GPAT2: variants seen among roughly 807,000 people sequenced by gnomAD.
GPAT2 encodes 1-acylglycerol-3-phosphate O-acyltransferase GPAT2.
A neutral mutation model predicts 71.0 loss-of-function variants in GPAT2; 51 were observed. That is an observed-to-expected ratio of 0.72 (90% CI 0.57 to 0.91). The LOEUF is 0.91. GPAT2 is among the 40% of genes least tolerant of loss of function. The probability of loss-of-function intolerance (pLI) is 0.00; values close to 1 mark genes in which losing one functional copy is unlikely to be tolerated. For missense variants in GPAT2, 511 were observed against 666.0 expected (o/e 0.77, Z 2.56); for synonymous variants, 222 against 290.3 (o/e 0.76, Z 2.39).
Position 96,023,258 on chromosome 2 carries a change from C to A in GPAT2, c.2047-32G>T, listed in dbSNP as rs748761127. 2.9e-5 allele frequency: 47 copies of A among 1,613,420 alleles called. 2 individuals are homozygous for A. The South Asian group carries it at 5.1e-4, about 17-fold the overall frequency. On this transcript the variant is annotated intron_variant, in intron 18 of 21. Coordinates refer to ENST00000434632, the MANE Select transcript of GPAT2 (RefSeq NM_001321527.2). ...GGGACAGGCCGGGGTGAGTGCAGCTCCCCACCGCCTCCCTACCACCTCCCT... is the reference window on the plus strand; with the variant it reads ...GGGACAGGCCGGGGTGAGTGCAGCTACCCACCGCCTCCCTACCACCTCCCT...
intron 1 of GPAT2, among the ~76,000 whole-genome samples, chr2:96,034,087 CATATATAT>C (rs1219373885): frequency 6.8e-6 from 1 of 147,054 alleles, no homozygotes; most frequent in South Asian, 2.1e-4. Flanking sequence ...TACATATATA[CATATATAT>C]ACACACACAC....
At position 96,022,691 on chromosome 2, in the gene GPAT2, C is replaced by T. The variant is rs1233154578; in HGVS notation, c.2266G>A (p.Val756Ile). Reference sequence around the variant, plus strand: ...ACCCCTAGGTCTCTGAAGGTCCAGACAGCACTGATGGCGAGCTTTGGGTCC... The same window carrying T: ...ACCCCTAGGTCTCTGAAGGTCCAGATAGCACTGATGGCGAGCTTTGGGTCC... ...CADPKLAISAVWTFRDLGVLQ... is the reference protein window; with the variant it reads ...CADPKLAISAIWTFRDLGVLQ... Residue 756 changes from valine (V) to isoleucine (I), a missense_variant, in exon 21 of 22, where the codon GTC becomes ATC. This residue lies in a region of GPAT2 where 108 missense variants were observed against 117.6 expected (regional missense o/e 0.92). Coordinates refer to ENST00000434632, the MANE Select transcript of GPAT2 (RefSeq NM_001321527.2). 3.1e-6 allele frequency: 5 copies of T among 1,613,862 alleles called. No individual in the cohort carries two copies. The highest frequency in any genetic ancestry group is 3.3e-5 in the Admixed American group (2 of 59,994).
At position 96,025,180 on chromosome 2, in the gene GPAT2, T is replaced by C. The variant is rs146607464; in HGVS notation, c.1357+305A>G. ...ATCATTCCATTCAGTTAACACCATC[T>C]CCACCCAAAGCTAAGGAGACTCCGC... On this transcript the variant is annotated intron_variant, in intron 13 of 21. Coordinates refer to ENST00000434632, the MANE Select transcript of GPAT2 (RefSeq NM_001321527.2). The C allele has an allele frequency of 3.9e-4, 219 of 560,060 alleles. 2 individuals are homozygous for C. The highest frequency in any genetic ancestry group is 1.5e-3 in the South Asian group (68 of 43,908). The allele number at this position is 560,060 out of a possible 1,614,324, so 34.7% of individuals were successfully genotyped here.
In GPAT2 at chr2:96,022,983, G is replaced by T; in HGVS notation, c.2208C>A (p.Ala736=). Reference sequence around the variant, plus strand: ...CGAAGATCCCTTCTTCCTGGGCGGTGGCCTGCAGGAACTGGAACAGCTGCT... The same window carrying T: ...CGAAGATCCCTTCTTCCTGGGCGGTTGCCTGCAGGAACTGGAACAGCTGCT... ...YTEQLFQFLQ[A]TAQEEGIFEC... Residue 736 remains alanine, a synonymous_variant, in exon 20 of 22, where the codon GCC becomes GCA. Transcript: ENST00000434632. The T allele has an allele frequency of 6.2e-7, 1 of 1,613,944 alleles. No individual in the cohort carries two copies. The highest frequency in any genetic ancestry group is 8.5e-7 in the Non-Finnish European group (1 of 1,179,856).
chr2:96,025,407 AC>A, intron 13 of GPAT2, 77 bp downstream of exon 13: 1 of 1,508,854 alleles, frequency 6.6e-7, no homozygotes, highest in Non-Finnish European at 8.9e-7. Context: ...GGAATGGAGA[AC>A]CCTGGTGACT....
Position 96,023,373 on chromosome 2 carries a change from G to A in GPAT2, c.1982C>T (p.Pro661Leu), listed in dbSNP as rs1182947434. 4.3e-6 allele frequency: 7 copies of A among 1,614,076 alleles called. No individual in the cohort carries two copies. Among genetic ancestry groups the A allele is most frequent in the East Asian group, 2.2e-5 (1 of 44,896 alleles). ...GTCACTATCAGTAAAGTCCCCACTC[G>A]GTTTCCACAGCAGCTTTCTGCTCAA... ...QRLSRKLLWK[P>L]SGDFTDSDSD... The change falls in exon 18 of 22, where the codon CCG becomes CTG. Residue 661 changes from proline (P) to leucine (L), a missense_variant. By Grantham distance (98) the Pro-to-Leu change is moderately conservative. This residue lies in a region of GPAT2 where 295 missense variants were observed against 305.5 expected (regional missense o/e 0.97). Transcript: ENST00000434632.
In GPAT2 at chr2:96,026,219, G is replaced by A. The variant is rs1680392832; in HGVS notation, c.1119C>T (p.Cys373=). 6.2e-7 allele frequency: 1 copy of A among 1,611,828 alleles called. No homozygotes were observed. Among genetic ancestry groups the A allele is most frequent in the East Asian group, 2.2e-5 (1 of 44,876 alleles). The change falls in exon 11 of 22, where the codon TGC becomes TGT. Residue 373 remains cysteine, a synonymous_variant. Transcript: ENST00000434632. ...AGGGCTGAGCTAGGTGCACCCGGGAGCAGATCCGGTGGCTGCAGCCCCAGC... is the reference window on the plus strand; with the variant it reads ...AGGGCTGAGCTAGGTGCACCCGGGAACAGATCCGGTGGCTGCAGCCCCAGC... ...WSRWGCSHRI[C]SRVHLAQPFS... is the part of the protein sequence containing the mutation.
chr2:96,024,107 G>T, intron 16 of GPAT2, 82 bp downstream of exon 16: 2 of 1,571,662 alleles, frequency 1.3e-6, no homozygotes, highest in Non-Finnish European at 1.7e-6. Context: ...GGTTTCAGAG[G>T]TAGAGCATGG....
intron 13 of GPAT2, chr2:96,025,209 G>C: frequency 1.8e-6 from 1 of 561,616 alleles, no homozygotes; most frequent in Non-Finnish European, 3.2e-6. Flanking sequence ...ACTCCGCTCA[G>C]AAGGCAGGGC....
chr2:96,024,977 T>G, intron 13 of GPAT2, 134 bp from the exon 14 acceptor site: 1 of 1,036,004 alleles, frequency 9.7e-7, no homozygotes. Context: ...CCCGGAGCAG[T>G]GGTGTTTATC....
chr2:96,025,181 C>G, intron 13 of GPAT2: 1 of 562,776 alleles, frequency 1.8e-6, no homozygotes, highest in South Asian at 2.3e-5. Context: ...AACACCATCT[C>G]CACCCAAAGC....
chr2:96,025,150 C>A, intron 13 of GPAT2: 6 of 576,844 alleles, frequency 1.0e-5, no homozygotes, highest in South Asian at 2.1e-5. Context: ...AAGCCCCTTA[C>A]ACGTATCATT....
At position 96,024,569 on chromosome 2, in the gene GPAT2, C is replaced by G; in HGVS notation, c.1545G>C (p.Leu515=). The change falls in exon 15 of 22, where the codon CTG becomes CTC. Residue 515 remains leucine, a synonymous_variant. Transcript: ENST00000434632. ...GQLRSLLQHS[L]SLLRAHVALL... ...GGGCCACGTGCGCCCGCAGCAGGCT[C>G]AGTGAGTGCTGCAGCAGGCTCCGCA... is the stretch of plus-strand genomic sequence containing the variant. 7 of 1,613,926 alleles carry G rather than the reference C, an allele frequency of 4.3e-6. No homozygotes were observed. The highest frequency in any genetic ancestry group is 5.9e-6 in the Non-Finnish European group (7 of 1,179,942).
chr2:96,024,078 C>T, intron 16 of GPAT2, 78 bp from the exon 17 acceptor site: 1 of 1,596,764 alleles, frequency 6.3e-7, no homozygotes, highest in Non-Finnish European at 8.5e-7. Context: ...CCGGGCAAGG[C>T]CACACCTACT....
At chr2:96,025,354 G>T in intron 13 of GPAT2, 131 bp downstream of exon 13, 1 of 1,234,968 alleles carries the variant, frequency 8.1e-7, no homozygotes, top group Non-Finnish European at 1.1e-6. Flanking sequence ...TTCTTCTTCA[G>T]ATGTCCCCAA....
chr2:96,024,619 A>G lies in GPAT2; in HGVS notation c.1495T>C (p.Phe499Leu), dbSNP rs776125352. 2 of 1,613,880 alleles carry G rather than the reference A, an allele frequency of 1.2e-6. No homozygotes were observed. Among genetic ancestry groups the G allele is most frequent in the East Asian group, 4.5e-5 (2 of 44,874 alleles). Residue 499 changes from phenylalanine (F) to leucine (L), a missense_variant, in exon 15 of 22, where the codon TTT (phenylalanine) becomes CTT (leucine). Coordinates refer to ENST00000434632, the MANE Select transcript of GPAT2 (RefSeq NM_001321527.2). ...AGCTGCCCAGAGAAGCCTACATCAA[A>G]GCCACGCAACAGTATCTCCTCCGTC... ...WLTEEILLRG[F>L]DVGFSGQLRS... is the part of the protein sequence containing the mutation.
rs573858338 is a variant in GPAT2 at position 96,024,025 on chromosome 2, G to A, written c.1837-25C>T. The A allele has an allele frequency of 5.9e-4, 925 of 1,574,238 alleles. 15 individuals carry two copies. In the South Asian group the frequency reaches 0.01, roughly 18 times the overall value. On this transcript the variant is annotated intron_variant, in intron 16 of 21. Coordinates refer to ENST00000434632, the MANE Select transcript of GPAT2 (RefSeq NM_001321527.2). ...GCTGGGAGAAAAAGGCACCCATGTG[G>A]CCTCAGGAGAGCCAGGCACATGGGC... is the stretch of plus-strand genomic sequence containing the variant.
At chr2:96,025,772 T>C (rs1680332053) in intron 12 of GPAT2, among the ~76,000 whole-genome samples, 158 bp downstream of exon 12, 1 of 152,066 alleles carries the variant, frequency 6.6e-6, no homozygotes, top group African/African-American at 2.4e-5. Flanking sequence ...TACCCCACAC[T>C]CAGACTGTTG....
At position 96,024,407 on chromosome 2, in the gene GPAT2, C is replaced by T; in HGVS notation, c.1687+20G>A. 12 of 1,611,904 alleles carry T rather than the reference C, an allele frequency of 7.4e-6. No individual in the cohort carries two copies. The highest frequency in any genetic ancestry group is 1.7e-5 in the Admixed American group (1 of 59,968). The stretch of plus-strand genomic sequence containing the variant: ...CCACTGCACACACATCCCACCTACC[C>T]CGTGCACCTCAAGACTCACCGCCCA... On this transcript the variant is annotated intron_variant, in intron 15 of 21. Transcript: ENST00000434632.
Sources: gnomAD v4.1 joint callset for allele counts (sites outside exome capture counted in the v4.1 genomes callset) on GRCh38, gnomAD v4.1.1 for gene constraint, gnomAD v4.1.1 regional missense constraint, MANE v1.5 for transcripts, NCBI Gene and HGNC (gene_info 2026-07-23, HGNC 2026-07-21) for gene names.